FAM83A: variants seen among roughly 807,000 people sequenced by gnomAD.
FAM83A encodes the protein scaffolding CK1 anchoring protein A.
FAM83A carries 21 observed loss-of-function variants against 24.4 expected under a neutral mutation model. The observed-to-expected ratio is 0.86, with a 90% CI of 0.61 to 1.24. The LOEUF (loss-of-function observed/expected upper bound fraction) is 1.24, where lower values mean the gene tolerates loss of function less well. FAM83A is among the 50% of genes most tolerant of loss of function. The pLI, the probability that FAM83A is intolerant of heterozygous loss-of-function variation, is 0.00. For synonymous variants in FAM83A, 270 were observed against 252.4 expected, an observed-to-expected ratio of 1.07 and a Z score of -0.66; for missense variants, 617 against 579.8, an observed-to-expected ratio of 1.06 and a Z score of -0.66.
chr8:123,191,729 C>T lies in FAM83A; in HGVS notation c.481-74C>T, dbSNP rs1823981417. The T allele has an allele frequency of 7.9e-6, 12 of 1,528,298 alleles. No individual in the cohort carries two copies. The South Asian group carries it at 1.5e-4, about 18-fold the overall frequency. The allele number at this position is 1,528,298 out of a possible 1,614,324, so 94.7% of individuals were successfully genotyped here. Reference sequence around the variant, plus strand: ...CAGCTCTCCCAGGCCCACTGGGACTCAGGCAGTTTGGGTGAAACCAGTTAG... The same window carrying T: ...CAGCTCTCCCAGGCCCACTGGGACTTAGGCAGTTTGGGTGAAACCAGTTAG... On this transcript the variant is annotated intron_variant, in intron 1 of 3. Coordinates refer to ENST00000690554, the Ensembl canonical transcript of FAM83A.
At chr8:123,191,713 C>G in intron 1 of FAM83A, 90 bp from the exon 2 acceptor site, 4 of 1,413,006 alleles carry the variant, frequency 2.8e-6, no homozygotes, top group Non-Finnish European at 3.9e-6. Flanking sequence ...ACAGCTCTCC[C>G]AGGCCCACTG....
rs2131116173 is a variant in FAM83A, at chr8:123,209,024, G to A, written c.*1336G>A. On this transcript the variant is annotated 3_prime_UTR_variant, in exon 4 of 4. Coordinates refer to ENST00000690554, the Ensembl canonical transcript of FAM83A. This position sits in a 1 kb window ranked among gnomAD's most constrained non-coding sequence, Gnocchi z 4.7. Reference sequence around the variant, plus strand: ...AGGGTTGGCCAGCCCTGTGGTGGGTGGGATGTCAGAGACACTTCCCAGATA... The same window carrying A: ...AGGGTTGGCCAGCCCTGTGGTGGGTAGGATGTCAGAGACACTTCCCAGATA... The A allele has an allele frequency of 1.0e-6, 1 of 989,290 alleles. No individual in the cohort carries two copies. The highest frequency in any genetic ancestry group is 1.7e-5 in the African/African-American group (1 of 57,314). The allele number at this position is 989,290 out of a possible 1,614,324, so 61.3% of individuals were successfully genotyped here.
chr8:123,184,047 C>T (rs985440876), intron 1 of FAM83A, among the ~76,000 whole-genome samples: 4 of 152,116 alleles, frequency 2.6e-5, no homozygotes, highest in Non-Finnish European at 5.9e-5. Context: ...TTAGAGCCTT[C>T]GGTAGCTCCC....
chr8:123,209,067 G>C lies in FAM83A; in HGVS notation c.*1379G>C. 1 of 1,001,504 alleles carries C rather than the reference G, an allele frequency of 1.0e-6. No homozygotes were observed. Among genetic ancestry groups the C allele is most frequent in the Non-Finnish European group, 1.2e-6 (1 of 840,736 alleles). 62.0% of individuals were successfully genotyped at this position (1,001,504 alleles called of 1,614,324 possible). A position where few individuals can be genotyped will look rare whatever the true frequency, so the allele number is the denominator to read the frequency against. ...CCCAGATAAAGTAAGAGTTAACCCT[G>C]CACCTCAGGTGTGATAGTGGGGTCA... On this transcript the variant is annotated 3_prime_UTR_variant, in exon 4 of 4. Coordinates refer to ENST00000690554, the Ensembl canonical transcript of FAM83A. The surrounding 1 kb of genome is among the most constrained non-coding windows in gnomAD (Gnocchi z 4.7).
chr8:123,188,990 C>G lies in FAM83A; in HGVS notation c.481-2813C>G, dbSNP rs146698282. On this transcript the variant is annotated intron_variant, in intron 1 of 3. Coordinates refer to ENST00000690554, the Ensembl canonical transcript of FAM83A. ...CTGTTCAATCACCAGCTCACCAGCCCTGTCTCAGGAAAATGATGATTCATT... is the reference window on the plus strand; with the variant it reads ...CTGTTCAATCACCAGCTCACCAGCCGTGTCTCAGGAAAATGATGATTCATT... 3.8e-4 allele frequency among the ~76,000 whole-genome samples: 58 copies of G among 152,334 alleles called. No homozygotes were observed. In the East Asian group the frequency reaches 0.011, roughly 28 times the overall value.
intron 3 of FAM83A, among the ~76,000 whole-genome samples, chr8:123,206,074 C>T (rs1241621673): frequency 6.7e-6 from 1 of 148,918 alleles, no homozygotes; most frequent in Non-Finnish European, 1.5e-5. Context: ...ACCTGAGAGG[C>T]GGAGGTTGCA....
rs983991453 is a variant in FAM83A, at chr8:123,185,413, C to T, written c.480+2077C>T. On this transcript the variant is annotated intron_variant, in intron 1 of 3. Coordinates refer to ENST00000690554, the Ensembl canonical transcript of FAM83A. ...CTGGTTAGGGCTTGTAAAACACAGT[C>T]CCCTGGCTGAGTCCCTCTCCTCCCC... 5.3e-5 allele frequency among the ~76,000 whole-genome samples: 8 copies of T among 152,206 alleles called. No individual in the cohort carries two copies. In the East Asian group the frequency reaches 7.7e-4, roughly 15 times the overall value.
At chr8:123,188,668 A>C (rs184394725) in intron 1 of FAM83A, among the ~76,000 whole-genome samples, 27 of 152,132 alleles carry the variant, frequency 1.8e-4, no homozygotes, top group Admixed American at 1.6e-3. Flanking sequence ...TTTTTAGTAG[A>C]GATGGGGTTT....
At chr8:123,204,929 T>C (rs1043053518) in intron 3 of FAM83A, among the ~76,000 whole-genome samples, 4 of 151,952 alleles carry the variant, frequency 2.6e-5, no homozygotes, top group African/African-American at 9.7e-5. Context: ...CTGGCCAAGA[T>C]GGTGAAACCC....
chr8:123,194,146 C>T (rs747001927), exon 3 of FAM83A: 37 of 1,613,782 alleles, frequency 2.3e-5, no homozygotes, highest in Non-Finnish European at 3.1e-5. Context: ...CTGGATCTTA[C>T]AGGTGAGCCT....
At chr8:123,190,929 G>A (rs769508741) in intron 1 of FAM83A, among the ~76,000 whole-genome samples, 7 of 152,150 alleles carry the variant, frequency 4.6e-5, no homozygotes, top group Non-Finnish European at 8.8e-5. Flanking sequence ...TTTCCCAGGA[G>A]TCCCAGCTAA....
chr8:123,193,972 G>C, intron 2 of FAM83A, 52 bp from the exon 3 acceptor site: 1 of 1,607,324 alleles, frequency 6.2e-7, no homozygotes, highest in East Asian at 2.2e-5. Flanking sequence ...AAGCCCAAAT[G>C]TATCTCTATA....
upstream of FAM83A, chr8:123,182,588 G>T (rs1256003118): frequency 1.5e-6 from 1 of 659,736 alleles, no homozygotes; most frequent in East Asian, 3.0e-5. Context: ...TGCCAAGGAG[G>T]TGTCTGAGCC....
At chr8:123,180,975 G>A (rs529601645), upstream of FAM83A, among the ~76,000 whole-genome samples, 204 of 151,608 alleles carry the variant, frequency 1.3e-3, 1 homozygote, top group African/African-American at 4.6e-3. Flanking sequence ...ACAGAGTTTC[G>A]CTCTGTTGCC....
At chr8:123,208,037 C>T in exon 4 of FAM83A, 1 of 1,094,668 alleles carries the variant, frequency 9.1e-7, no homozygotes, top group Non-Finnish European at 1.1e-6. Context: ...GGAAATGCAG[C>T]CCAAGTTTTA....
chr8:123,192,726 TC>T (rs1473749618), intron 2 of FAM83A: 2 of 152,126 alleles, frequency 1.3e-5, no homozygotes, highest in East Asian at 3.9e-4. Flanking sequence ...CTCCCTCCCT[TC>T]CCCTCTGCAC....
chr8:123,187,143 A>C (rs1823829314), intron 1 of FAM83A, among the ~76,000 whole-genome samples: 1 of 152,184 alleles, frequency 6.6e-6, no homozygotes, highest in African/African-American at 2.4e-5. Context: ...TCACATGCGA[A>C]AGTCAGGAGG....
intron 1 of FAM83A, among the ~76,000 whole-genome samples, chr8:123,184,975 G>A (rs1823742476): frequency 6.6e-6 from 1 of 152,208 alleles, no homozygotes; most frequent in Non-Finnish European, 1.5e-5. Flanking sequence ...AGGGTGAAGA[G>A]GCCATGTGTG....
chr8:123,197,912 C>T (rs765217978), intron 3 of FAM83A, among the ~76,000 whole-genome samples: 1 of 152,172 alleles, frequency 6.6e-6, no homozygotes. Context: ...GGTAGATTAC[C>T]TGAGGTCAGT....
Sources: gnomAD v4.1 joint callset for allele counts (sites outside exome capture counted in the v4.1 genomes callset) on GRCh38, gnomAD v4.1.1 for gene constraint, Gnocchi (gnomAD v3.1) non-coding constraint, MANE v1.5 for transcripts, NCBI Gene and HGNC (gene_info 2026-07-23, HGNC 2026-07-21) for gene names.